Variants in EEA1 observed in about 807,000 individuals in gnomAD.
EEA1 encodes the protein early endosome antigen 1, also known as early endosome antigen 1, 162kD.
EEA1 carries 111 observed loss-of-function variants against 209.2 expected under a neutral mutation model. The observed-to-expected ratio is 0.53, with a 90% CI of 0.45 to 0.62. The LOEUF (loss-of-function observed/expected upper bound fraction) is 0.62, where lower values mean the gene tolerates loss of function less well. Among genes scored for constraint, EEA1 ranks in the 20% least tolerant of loss-of-function variants. The pLI is 0.00. For missense variants in EEA1, 1,343 were observed against 1,530.8 expected (o/e 0.88, Z 2.05); for synonymous variants, 536 against 540.6 (o/e 0.99, Z 0.12).
intron 1 of EEA1, among the ~76,000 whole-genome samples, chr12:92,910,800 T>C (rs912714897): frequency 6.6e-6 from 1 of 152,044 alleles, no homozygotes; most frequent in African/African-American, 2.4e-5. Flanking sequence ...AAATAAACAA[T>C]CTAATTTAAA....
intron 10 of EEA1, among the ~76,000 whole-genome samples, chr12:92,841,704 C>T (rs1877168386): frequency 6.6e-6 from 1 of 152,098 alleles, no homozygotes; most frequent in Non-Finnish European, 1.5e-5. Context: ...ATTAAGATGG[C>T]TACTCTCAAA....
chr12:92,857,645 C>G (rs1260013401), intron 3 of EEA1, among the ~76,000 whole-genome samples, 160 bp from the exon 4 acceptor site: 1 of 151,460 alleles, frequency 6.6e-6, no homozygotes, highest in Non-Finnish European at 1.5e-5. Context: ...TATATAAATC[C>G]CTCAGAAAAA....
chr12:92,897,266 T>A (rs889439484), intron 1 of EEA1, among the ~76,000 whole-genome samples: 3 of 152,204 alleles, frequency 2.0e-5, no homozygotes, highest in Admixed American at 2.0e-4. Context: ...TCAGACTGAT[T>A]GTGGGCAAGT....
intron 1 of EEA1, among the ~76,000 whole-genome samples, chr12:92,927,065 T>C (rs1177885423): frequency 6.6e-6 from 1 of 152,180 alleles, no homozygotes; most frequent in East Asian, 1.9e-4. Context: ...TACTTAACTG[T>C]GAGAAACACT....
intron 10 of EEA1, among the ~76,000 whole-genome samples, chr12:92,840,631 G>C (rs1174769795): frequency 6.6e-6 from 1 of 152,136 alleles, no homozygotes; most frequent in Non-Finnish European, 1.5e-5. Flanking sequence ...CATTTATAAA[G>C]AAACAATACA....
At chr12:92,801,482 T>TA (rs902303541) in intron 20 of EEA1, 118 bp downstream of exon 20, 425 of 614,548 alleles carry the variant, frequency 6.9e-4, no homozygotes, top group African/African-American at 2.3e-3. Flanking sequence ...CTTAAAACTA[T>TA]AAAAAAAAAT....
At chr12:92,807,490 A>T (rs1032190636) in intron 18 of EEA1, among the ~76,000 whole-genome samples, 2 of 152,194 alleles carry the variant, frequency 1.3e-5, no homozygotes, top group Non-Finnish European at 2.9e-5. Context: ...AGGAAGAAGT[A>T]AATTTGTCTC....
chr12:92,896,870 C>T (rs1039315170), intron 1 of EEA1, among the ~76,000 whole-genome samples: 4 of 152,150 alleles, frequency 2.6e-5, no homozygotes, highest in African/African-American at 9.7e-5. Context: ...GCAAAACCTT[C>T]CACAAGCAAA....
intron 2 of EEA1, among the ~76,000 whole-genome samples, chr12:92,865,389 A>G (rs959006109): frequency 8.6e-5 from 13 of 152,034 alleles, no homozygotes; most frequent in African/African-American, 2.9e-4. Context: ...AAAAAAAAAA[A>G]AAGAAGATGA....
intron 10 of EEA1, among the ~76,000 whole-genome samples, chr12:92,833,513 C>G (rs1213585451): frequency 1.3e-5 from 2 of 152,090 alleles, no homozygotes; most frequent in Non-Finnish European, 1.5e-5. Context: ...AATCTAATGT[C>G]AAAGCCTGGT....
chr12:92,922,144 C>G (rs1434147811), intron 1 of EEA1, among the ~76,000 whole-genome samples: 2 of 152,134 alleles, frequency 1.3e-5, no homozygotes, highest in Non-Finnish European at 2.9e-5. Flanking sequence ...CTGGCCTCTA[C>G]TTGTCTTCTG....
At chr12:92,856,029 AT>A (rs1877864957) in intron 5 of EEA1, among the ~76,000 whole-genome samples, 1 of 152,206 alleles carries the variant, frequency 6.6e-6, no homozygotes, top group African/African-American at 2.4e-5. Context: ...TTATCTTGTC[AT>A]TTATTTATTT....
intron 2 of EEA1, among the ~76,000 whole-genome samples, chr12:92,890,677 C>T (rs1049970199): frequency 1.3e-5 from 2 of 152,100 alleles, no homozygotes; most frequent in Admixed American, 6.6e-5. Context: ...CAGTTTAGAA[C>T]ATTTTTCTTA....
At chr12:92,846,336 C>A (rs1449044152) in intron 9 of EEA1, among the ~76,000 whole-genome samples, 1 of 152,140 alleles carries the variant, frequency 6.6e-6, no homozygotes, top group Admixed American at 6.5e-5. Flanking sequence ...GCAGACAAGA[C>A]TGACAAAAGT....
At chr12:92,906,581 G>A (rs1205448493) in intron 1 of EEA1, among the ~76,000 whole-genome samples, 4 of 152,204 alleles carry the variant, frequency 2.6e-5, no homozygotes, top group Admixed American at 6.5e-5. Context: ...GGGAGGCCGA[G>A]GCGGGCGGAT....
chr12:92,780,288 T>A lies in EEA1; in HGVS notation c.3460A>T (p.Ser1154Cys). The change falls in exon 24 of 29, where the codon AGC (serine) becomes TGC (cysteine). Residue 1154 changes from serine (S) to cysteine (C), a missense_variant. By Grantham distance (112) the Ser-to-Cys change is moderately radical. This residue lies in a region of EEA1 where 1,307 missense variants were observed against 1,465.5 expected (regional missense o/e 0.89). Coordinates refer to ENST00000322349, the MANE Select transcript of EEA1 (RefSeq NM_003566.4). ...NEELKSHKLE[S>C]IKEITNLKDA... The stretch of plus-strand genomic sequence containing the variant: ...TGATTATCTTAACATACCTTTATGC[T>A]TTCTAGTTTGTGGGACTTGAGTTCT... 1 of 1,596,856 alleles carries A rather than the reference T, an allele frequency of 6.3e-7. No homozygotes were observed. Among genetic ancestry groups the A allele is most frequent in the South Asian group, 1.2e-5 (1 of 86,786 alleles).
chr12:92,807,380 G>C (rs2136671567), intron 18 of EEA1, among the ~76,000 whole-genome samples: 1 of 152,068 alleles, frequency 6.6e-6, no homozygotes, highest in East Asian at 1.9e-4. Flanking sequence ...CCTAAGATTA[G>C]AAATAATGCA....
chr12:92,848,952 G>A (rs1233611883), intron 9 of EEA1, among the ~76,000 whole-genome samples: 1 of 151,916 alleles, frequency 6.6e-6, no homozygotes, highest in Non-Finnish European at 1.5e-5. Context: ...TAAACTCCTG[G>A]ACTGAAGCAA....
Position 92,778,014 on chromosome 12 carries a change from A to C in EEA1, c.3820T>G (p.Leu1274Val), listed in dbSNP as rs767035993. Residue 1274 changes from leucine to valine, a missense_variant, in exon 26 of 29, where the codon TTA becomes GTA. Transcript: ENST00000322349. Reference sequence around the variant, plus strand: ...TCTAATACTGCAATTTCACCCCGTAAGTCATCCGTTTGTTTCTCAAGCTCA... The same window carrying C: ...TCTAATACTGCAATTTCACCCCGTACGTCATCCGTTTGTTTCTCAAGCTCA... ...VSELEKQTDD[L>V]RGEIAVLEAT... 1.2e-6 allele frequency: 2 copies of C among 1,613,526 alleles called. No individual in the cohort carries two copies. Among genetic ancestry groups the C allele is most frequent in the Non-Finnish European group, 1.7e-6 (2 of 1,179,598 alleles).
Sources: gnomAD v4.1 joint callset for allele counts (sites outside exome capture counted in the v4.1 genomes callset) on GRCh38, gnomAD v4.1.1 for gene constraint, gnomAD v4.1.1 regional missense constraint, MANE v1.5 for transcripts, NCBI Gene and HGNC (gene_info 2026-07-23, HGNC 2026-07-21) for gene names.